Variants in SMARCA2 observed in about 807,000 individuals in gnomAD.
The protein encoded by SMARCA2 is SWI/SNF-related matrix-associated actin-dependent regulator of chromatin subfamily A member 2.
SMARCA2 carries 61 observed loss-of-function variants against 199.8 expected under a neutral mutation model. The ratio of observed to expected loss-of-function variants is 0.31; its 90% CI spans 0.25 to 0.38. SMARCA2 has a LOEUF of 0.38. Among genes scored for constraint, SMARCA2 ranks in the 10% least tolerant of loss-of-function variants. SMARCA2 has a pLI of 1.00. For missense variants in SMARCA2, 1,344 were observed against 2,012.2 expected, an observed-to-expected ratio of 0.67 and a Z score of 6.35; for synonymous variants, 935 against 732.0, an observed-to-expected ratio of 1.28 and a Z score of -4.48.
intron 5 of SMARCA2, among the ~76,000 whole-genome samples, chr9:2,050,913 C>G (rs1331745452): frequency 1.3e-5 from 2 of 152,174 alleles, no homozygotes; most frequent in Non-Finnish European, 2.9e-5. Flanking sequence ...ATTTACTGTT[C>G]AATCTGTATG....
intron 3 of SMARCA2, among the ~76,000 whole-genome samples, chr9:2,035,008 C>CTTTATTTATTTATTTATTTA (rs3057853): frequency 7.0e-6 from 1 of 143,030 alleles, no homozygotes; most frequent in Non-Finnish European, 1.5e-5. Flanking sequence ...TAATATAAGC[C>CTTTATTTATTTATTTATTTA]TTTATTTATT....
At chr9:2,158,709 A>G in intron 27 of SMARCA2, 1 of 401,184 alleles carries the variant, frequency 2.5e-6, no homozygotes, top group Non-Finnish European at 4.4e-6. Flanking sequence ...CAGTTGAGCC[A>G]GTTTAGTAAA....
At position 2,170,371 on chromosome 9, in the gene SMARCA2, C is replaced by T. The variant is rs371825900; in HGVS notation, c.4200-48C>T. 218 of 1,612,072 alleles carry T rather than the reference C, an allele frequency of 1.4e-4. No individual in the cohort carries two copies. Among genetic ancestry groups the T allele is most frequent in the Non-Finnish European group, 1.6e-4 (192 of 1,178,912 alleles). On this transcript the variant is annotated intron_variant, in intron 28 of 33. Coordinates refer to ENST00000349721, the MANE Select transcript of SMARCA2 (RefSeq NM_003070.5). This position sits in a 1 kb window ranked among gnomAD's most constrained non-coding sequence, Gnocchi z 4.7. ...CTAGGAAGAAGGAGCCGGGCGGGGACGAGAACCCAGGTCTTCTGACTCTAG... is the reference window on the plus strand; with the variant it reads ...CTAGGAAGAAGGAGCCGGGCGGGGATGAGAACCCAGGTCTTCTGACTCTAG...
intron 27 of SMARCA2, among the ~76,000 whole-genome samples, chr9:2,150,228 T>C (rs1267918330): frequency 6.6e-6 from 1 of 151,644 alleles, no homozygotes; most frequent in Non-Finnish European, 1.5e-5. Flanking sequence ...CCTAGCATAA[T>C]GCTACCTTAT....
At chr9:2,130,556 T>C (rs1563789353) in intron 27 of SMARCA2, among the ~76,000 whole-genome samples, 1 of 152,240 alleles carries the variant, frequency 6.6e-6, no homozygotes. Flanking sequence ...TTTTAGAAAG[T>C]GTGAAAGAGA....
rs111870807 is a variant in SMARCA2, at chr9:2,181,774, G to C, written c.4359+98G>C. On this transcript the variant is annotated intron_variant, in intron 30 of 33. Transcript: ENST00000349721. Reference sequence around the variant, plus strand: ...AGTTGGAGCTGACCGCCACTGATGGGTACCCAGGGCTCGCGACAGGAAAGG... The same window carrying C: ...AGTTGGAGCTGACCGCCACTGATGGCTACCCAGGGCTCGCGACAGGAAAGG... 5,727 of 708,744 alleles carry C rather than the reference G, an allele frequency of 8.1e-3. 211 individuals are homozygous for C. In the African/African-American group the frequency reaches 0.091, roughly 11 times the overall value. The allele number at this position is 708,744 out of a possible 1,614,324, so 43.9% of individuals were successfully genotyped here. A position where few individuals can be genotyped will look rare whatever the true frequency, so the allele number is the denominator to read the frequency against.
At position 2,148,866 on chromosome 9, in the gene SMARCA2, G is replaced by A. The variant is rs921724618; in HGVS notation, c.3982-12820G>A. Among the ~76,000 whole-genome samples the A allele has an allele frequency of 6.0e-5, 9 of 151,244 alleles. 1 individual carries two copies. Among genetic ancestry groups the A allele is most frequent in the Non-Finnish European group, 1.0e-4 (7 of 67,642 alleles). On this transcript the variant is annotated intron_variant, in intron 27 of 33. Transcript: ENST00000349721. ...AGCACTTTGTGTTTGTCTCTCCTGC[G>A]CAAATCCTTGACTGTGCTTCAGTTG...
Position 2,056,921 on chromosome 9 carries a change from G to A in SMARCA2, c.1347+76G>A. 1 of 1,397,512 alleles carries A rather than the reference G, an allele frequency of 7.2e-7. No individual in the cohort carries two copies. 86.6% of individuals were successfully genotyped at this position (1,397,512 alleles called of 1,614,324 possible). A position where few individuals can be genotyped will look rare whatever the true frequency, so the allele number is the denominator to read the frequency against. On this transcript the variant is annotated intron_variant, in intron 7 of 33. Coordinates refer to ENST00000349721, the MANE Select transcript of SMARCA2 (RefSeq NM_003070.5). This position sits in a 1 kb window ranked among gnomAD's most constrained non-coding sequence, Gnocchi z 4.0. ...TGAATTCATCAAATGGGGTCAGAATGACTGAAAAATGGACCCTTGTGGGTG... is the reference window on the plus strand; with the variant it reads ...TGAATTCATCAAATGGGGTCAGAATAACTGAAAAATGGACCCTTGTGGGTG...
chr9:2,029,783 T>C (rs1011731116), intron 2 of SMARCA2, among the ~76,000 whole-genome samples: 1 of 152,232 alleles, frequency 6.6e-6, no homozygotes, highest in Non-Finnish European at 1.5e-5. Flanking sequence ...AGCACTTTTA[T>C]TCTGGTTTTG....
chr9:2,074,732 T>G (rs769400951), intron 12 of SMARCA2, among the ~76,000 whole-genome samples: 16 of 152,064 alleles, frequency 1.1e-4, no homozygotes, highest in Non-Finnish European at 1.6e-4. Flanking sequence ...CGGGGCGTGG[T>G]GACGCATGCC....
intron 28 of SMARCA2, among the ~76,000 whole-genome samples, chr9:2,165,116 A>C (rs1825872118): frequency 6.6e-6 from 1 of 152,172 alleles, no homozygotes; most frequent in South Asian, 2.1e-4. Flanking sequence ...CAGTTATTTA[A>C]ATAGTAACTC....
At chr9:2,139,302 GT>G (rs1310652065) in intron 27 of SMARCA2, among the ~76,000 whole-genome samples, 1 of 152,192 alleles carries the variant, frequency 6.6e-6, no homozygotes, top group Non-Finnish European at 1.5e-5. Context: ...GTAGGTTTGG[GT>G]TTTTCAAGGA....
Position 2,070,482 on chromosome 9 carries a change from G to A in SMARCA2, c.1746+11G>A, listed in dbSNP as rs201036063. On this transcript the variant is annotated intron_variant, in intron 10 of 33. Coordinates refer to ENST00000349721, the MANE Select transcript of SMARCA2 (RefSeq NM_003070.5). ...GGACCGGATGGAGAGGTAAGGGATCGTCATCCTTTCCACTGTGTTCTGCTG... is the reference window on the plus strand; with the variant it reads ...GGACCGGATGGAGAGGTAAGGGATCATCATCCTTTCCACTGTGTTCTGCTG... 67 of 1,605,124 alleles carry A rather than the reference G, an allele frequency of 4.2e-5. No individual in the cohort carries two copies. In the African/African-American group the frequency reaches 4.3e-4, roughly 10 times the overall value.
intron 9 of SMARCA2, among the ~76,000 whole-genome samples, chr9:2,068,704 G>A (rs1447891662): frequency 1.3e-5 from 2 of 151,508 alleles, no homozygotes; most frequent in Admixed American, 1.3e-4. Context: ...AAGCATCTTG[G>A]CAAAGGAAAT....
At position 2,086,939 on chromosome 9, in the gene SMARCA2, G is replaced by C; in HGVS notation, c.2637G>C (p.Leu879Phe). 1 of 1,614,156 alleles carries C rather than the reference G, an allele frequency of 6.2e-7. No homozygotes were observed. The highest frequency in any genetic ancestry group is 8.5e-7 in the Non-Finnish European group (1 of 1,180,020). The change falls in exon 18 of 34, where the codon TTG becomes TTC. Residue 879 changes from leucine to phenylalanine, a missense_variant. Transcript: ENST00000349721. This position sits in a 1 kb window ranked among gnomAD's most constrained non-coding sequence, Gnocchi z 4.3. ...ATGTGGCCCCCAGAAGGATCCTCTT[G>C]ACTGGGACCCCGCTGCAGAATAAGC... ...THYVAPRRIL[L>F]TGTPLQNKLP... is the part of the protein sequence containing the mutation.
chr9:2,164,073 C>T (rs950248502), intron 28 of SMARCA2, among the ~76,000 whole-genome samples: 9 of 152,162 alleles, frequency 5.9e-5, no homozygotes, highest in Non-Finnish European at 1.2e-4. Context: ...GGCAGCATCG[C>T]GCTCTAGGTT....
intron 5 of SMARCA2, among the ~76,000 whole-genome samples, chr9:2,048,922 GT>G (rs1819999334): frequency 6.6e-6 from 1 of 152,232 alleles, no homozygotes; most frequent in African/African-American, 2.4e-5. Context: ...TTACTGTTGA[GT>G]TTTTAAAAAG....
rs75853810 is a variant in SMARCA2 at position 2,030,667 on chromosome 9, C to T, written c.225+1420C>T. On this transcript the variant is annotated intron_variant, in intron 2 of 33. Coordinates refer to ENST00000349721, the MANE Select transcript of SMARCA2 (RefSeq NM_003070.5). ...AAATGATAATCTCATCCAGGAATAC[C>T]CTGACAGACATACCCAGAAATAATG... Among the ~76,000 whole-genome samples the T allele has an allele frequency of 7.3e-3, 1,102 of 151,726 alleles. 24 individuals carry two copies. Among genetic ancestry groups the T allele is most frequent in the African/African-American group, 0.025 (1,054 of 41,340 alleles).
intron 10 of SMARCA2, among the ~76,000 whole-genome samples, chr9:2,070,981 A>G (rs532940773): frequency 1.3e-5 from 2 of 152,350 alleles, no homozygotes; most frequent in South Asian, 4.1e-4. Context: ...ATTTCCTAGT[A>G]GTTCCAGTAT....
Sources: gnomAD v4.1 joint callset for allele counts (sites outside exome capture counted in the v4.1 genomes callset) on GRCh38, gnomAD v4.1.1 for gene constraint, Gnocchi (gnomAD v3.1) non-coding constraint, MANE v1.5 for transcripts, NCBI Gene and HGNC (gene_info 2026-07-23, HGNC 2026-07-21) for gene names.